The following VAV3 variants were observed in gnomAD, a reference collection of about 807,000 sequenced individuals.
The protein encoded by VAV3 is vav guanine nucleotide exchange factor 3.
VAV3 carries 94 observed loss-of-function variants against 131.2 expected under a neutral mutation model. The ratio of observed to expected loss-of-function variants is 0.72; its 90% CI spans 0.61 to 0.85. VAV3 has a LOEUF of 0.85. Among genes scored for constraint, VAV3 ranks in the 40% least tolerant of loss-of-function variants. The probability of loss-of-function intolerance (pLI) is 0.00; values close to 1 mark genes in which losing one functional copy is unlikely to be tolerated. For missense variants in VAV3, 939 were observed against 1,002.7 expected (o/e 0.94, Z 0.86); for synonymous variants, 349 against 342.0 (o/e 1.02, Z -0.22).
At chr1:107,927,382 A>G (rs1166731870) in intron 1 of VAV3, among the ~76,000 whole-genome samples, 2 of 152,138 alleles carry the variant, frequency 1.3e-5, no homozygotes, top group Non-Finnish European at 2.9e-5. Context: ...TGTGGTGGCT[A>G]TGGAGAGAGA....
chr1:107,678,746 A>G (rs1052839985), intron 19 of VAV3, among the ~76,000 whole-genome samples: 1 of 152,052 alleles, frequency 6.6e-6, no homozygotes, highest in Non-Finnish European at 1.5e-5. Flanking sequence ...AAATGAAAAC[A>G]TTTATATGTA....
chr1:107,779,676 ATTATTACTTAAAGTAATAAATTACT>A (rs1406001223), intron 2 of VAV3, among the ~76,000 whole-genome samples, 184 bp from the exon 3 acceptor site: 2 of 152,170 alleles, frequency 1.3e-5, no homozygotes, highest in Admixed American at 1.3e-4. Flanking sequence ...TAATTTTATA[ATTATTACTTAAAGTAATAAATTACT>A]TTATTACTTT....
intron 2 of VAV3, among the ~76,000 whole-genome samples, chr1:107,833,286 A>G (rs1394494565): frequency 6.6e-6 from 1 of 152,118 alleles, no homozygotes; most frequent in Non-Finnish European, 1.5e-5. Flanking sequence ...AGATCAGATC[A>G]GCCACAACAT....
intron 1 of VAV3, among the ~76,000 whole-genome samples, chr1:107,919,605 T>C (rs1336708592): frequency 6.6e-6 from 1 of 152,110 alleles, no homozygotes; most frequent in Non-Finnish European, 1.5e-5. Flanking sequence ...GGTAGGAGGA[T>C]AGAGAGGGGA....
chr1:107,579,363 CTGATT>C (rs1453652949), intron 25 of VAV3, among the ~76,000 whole-genome samples: 1 of 152,282 alleles, frequency 6.6e-6, no homozygotes, highest in East Asian at 1.9e-4. Flanking sequence ...GCTTTTATGT[CTGATT>C]TAATGTGTCT....
chr1:107,718,032 T>C (rs1175500024), intron 15 of VAV3, among the ~76,000 whole-genome samples: 2 of 152,088 alleles, frequency 1.3e-5, no homozygotes, highest in Non-Finnish European at 2.9e-5. Context: ...TGGTTGAAAG[T>C]CTGTTTCATT....
chr1:107,588,240 T>C (rs1401772801), intron 25 of VAV3, among the ~76,000 whole-genome samples: 5 of 152,188 alleles, frequency 3.3e-5, no homozygotes, highest in Non-Finnish European at 7.4e-5. Context: ...GTTCAAGAAC[T>C]GTAAATTATG....
chr1:107,656,967 T>C (rs1656612733), intron 19 of VAV3, among the ~76,000 whole-genome samples: 1 of 45,416 alleles, frequency 2.2e-5, no homozygotes, highest in Admixed American at 3.0e-4. Context: ...TTTTTTTTTT[T>C]TTCCGAGACG....
At chr1:107,664,443 T>G (rs1657266805) in intron 19 of VAV3, among the ~76,000 whole-genome samples, 1 of 151,878 alleles carries the variant, frequency 6.6e-6, no homozygotes, top group African/African-American at 2.4e-5. Context: ...AAGTGAGAAC[T>G]ACAGTGCTTG....
At chr1:107,704,425 A>C in intron 17 of VAV3, 125 bp downstream of exon 17, 1 of 668,048 alleles carries the variant, frequency 1.5e-6, no homozygotes, top group South Asian at 2.2e-5. Flanking sequence ...TGTGCTTATA[A>C]ATAATAGTTT....
intron 1 of VAV3, among the ~76,000 whole-genome samples, chr1:107,931,094 GAT>G (rs1011201750): frequency 6.6e-6 from 1 of 152,100 alleles, no homozygotes; most frequent in Non-Finnish European, 1.5e-5. Context: ...ATGCAGTAAG[GAT>G]CCAAATGGGC....
intron 2 of VAV3, among the ~76,000 whole-genome samples, chr1:107,821,740 T>C (rs1667800923): frequency 6.6e-6 from 1 of 152,180 alleles, no homozygotes; most frequent in Non-Finnish European, 1.5e-5. Context: ...GGCTGCTCTA[T>C]GGAAATAGAT....
intron 20 of VAV3, among the ~76,000 whole-genome samples, chr1:107,624,219 GTCTTTCTCC>G (rs1418783569): frequency 6.6e-6 from 1 of 152,158 alleles, no homozygotes; most frequent in Non-Finnish European, 1.5e-5. Context: ...ACTTCACCGA[GTCTTTCTCC>G]TGTTACTCAA....
intron 5 of VAV3, 22 bp from the exon 6 acceptor site, chr1:107,770,750 T>C (rs775336643): frequency 3.8e-6 from 6 of 1,559,558 alleles, no homozygotes; most frequent in Admixed American, 1.8e-5. Context: ...ATTATCAAAA[T>C]AAAATGATTT....
intron 1 of VAV3, among the ~76,000 whole-genome samples, chr1:107,922,459 TTA>T (rs1349556763): frequency 6.6e-6 from 1 of 152,216 alleles, no homozygotes; most frequent in African/African-American, 2.4e-5. Flanking sequence ...TTTTAAAGTT[TTA>T]TATGAATATA....
chr1:107,860,141 C>T (rs939818687), intron 2 of VAV3, among the ~76,000 whole-genome samples: 9 of 152,118 alleles, frequency 5.9e-5, no homozygotes, highest in African/African-American at 2.2e-4. Context: ...TTGTTTTTGA[C>T]AGGGAGTCTC....
intron 1 of VAV3, among the ~76,000 whole-genome samples, chr1:107,902,904 A>G (rs1671933671): frequency 6.6e-6 from 1 of 152,220 alleles, no homozygotes; most frequent in Admixed American, 6.5e-5. Flanking sequence ...AGCCATGGAT[A>G]CTGATGTTAT....
At chr1:107,806,609 T>C (rs1667068757) in intron 2 of VAV3, among the ~76,000 whole-genome samples, 1 of 152,226 alleles carries the variant, frequency 6.6e-6, no homozygotes, top group Non-Finnish European at 1.5e-5. Context: ...CCAATATTTT[T>C]ATTGTAAATC....
chr1:107,727,274 G>C (rs1661904191), intron 15 of VAV3, among the ~76,000 whole-genome samples: 1 of 152,156 alleles, frequency 6.6e-6, no homozygotes, highest in African/African-American at 2.4e-5. Context: ...TCCTTGACCA[G>C]CATTTTTTAA....
Sources: gnomAD v4.1 joint callset for allele counts (sites outside exome capture counted in the v4.1 genomes callset) on GRCh38, gnomAD v4.1.1 for gene constraint, MANE v1.5 for transcripts, NCBI Gene and HGNC (gene_info 2026-07-23, HGNC 2026-07-21) for gene names.